Variants in CACNA2D1 observed in about 807,000 individuals in gnomAD.
The protein encoded by CACNA2D1 is voltage-dependent calcium channel subunit alpha-2/delta-1.
CACNA2D1 carries 53 observed loss-of-function variants against 171.5 expected under a neutral mutation model. That is an observed-to-expected ratio of 0.31 (90% confidence interval 0.25 to 0.39). The LOEUF (loss-of-function observed/expected upper bound fraction) is 0.39. CACNA2D1 is among the 10% of genes least tolerant of loss of function. CACNA2D1 has a pLI of 1.00. For missense variants in CACNA2D1, 903 were observed against 1,299.8 expected (o/e 0.69, Z 4.69); for synonymous variants, 442 against 443.1 (o/e 1.00, Z 0.03).
At chr7:81,967,458 A>G (rs1794829853) in intron 30 of CACNA2D1, 138 bp downstream of exon 30, 2 of 649,976 alleles carry the variant, frequency 3.1e-6, no homozygotes, top group East Asian at 2.7e-5. Context: ...AAAGCTTTGA[A>G]AAAATAGGAA....
chr7:82,227,690 A>T (rs1430760911), intron 3 of CACNA2D1, among the ~76,000 whole-genome samples: 1 of 152,186 alleles, frequency 6.6e-6, no homozygotes, highest in African/African-American at 2.4e-5. Context: ...TTCCAGGTTC[A>T]TAAACCATTG....
At chr7:82,240,564 A>G (rs1466287526) in intron 3 of CACNA2D1, among the ~76,000 whole-genome samples, 1 of 152,218 alleles carries the variant, frequency 6.6e-6, no homozygotes, top group East Asian at 1.9e-4. Context: ...AATACATCAA[A>G]GAATTCTCAC....
At position 81,959,307 on chromosome 7, in the gene CACNA2D1, C is replaced by T; in HGVS notation, c.3127G>A (p.Gly1043Arg). The T allele has an allele frequency of 6.2e-7, 1 of 1,611,334 alleles. No individual in the cohort carries two copies. The highest frequency in any genetic ancestry group is 8.5e-7 in the Non-Finnish European group (1 of 1,177,780). ...TTGTTATCAAAGCAGACATCAGGCC[C>T]TTTTCGGTATCTGGGTTGCTTAACC... ...DMVKQPRYRK[G>R]PDVCFDNNVL... The change falls in exon 38 of 39, where the codon GGG (glycine) becomes AGG (arginine). Residue 1043 changes from glycine (G) to arginine (R), a missense_variant. Physicochemically the swap from Gly to Arg is moderately radical, Grantham distance 125. Transcript: ENST00000356860.
chr7:82,303,370 C>T (rs1334370852), intron 3 of CACNA2D1, among the ~76,000 whole-genome samples: 1 of 150,200 alleles, frequency 6.7e-6, no homozygotes, highest in African/African-American at 2.5e-5. Context: ...AAAGCAAGTA[C>T]AGATCCATTG....
At chr7:82,217,399 A>ATATATATATATG (rs1294849694) in intron 3 of CACNA2D1, among the ~76,000 whole-genome samples, 8 of 21,580 alleles carry the variant, frequency 3.7e-4, no homozygotes, top group African/African-American at 6.5e-4. Context: ...ACATACATAT[A>ATATATATATATG]TATATATATA....
intron 3 of CACNA2D1, among the ~76,000 whole-genome samples, chr7:82,278,770 A>C (rs1364639843): frequency 6.6e-6 from 1 of 152,066 alleles, no homozygotes; most frequent in Non-Finnish European, 1.5e-5. Context: ...TTTTAGTTCT[A>C]TTAGTTTTAT....
At chr7:82,176,768 T>A (rs1461554849) in intron 3 of CACNA2D1, among the ~76,000 whole-genome samples, 1 of 151,840 alleles carries the variant, frequency 6.6e-6, no homozygotes, top group African/African-American at 2.4e-5. Context: ...TATATGCAAG[T>A]TCACAGAATA....
intron 6 of CACNA2D1, among the ~76,000 whole-genome samples, chr7:82,115,860 C>G (rs973661450): frequency 1.2e-4 from 19 of 152,146 alleles, no homozygotes; most frequent in African/African-American, 4.6e-4. Flanking sequence ...GAGCCTGGCA[C>G]TATTATGAGA....
intron 3 of CACNA2D1, among the ~76,000 whole-genome samples, chr7:82,192,797 C>G (rs1266632364): frequency 7.0e-6 from 1 of 142,466 alleles, no homozygotes; most frequent in Admixed American, 7.4e-5. Context: ...GTAACTCTAA[C>G]TAAACACACA....
At chr7:81,951,972 T>TTTG (rs1369718853) in intron 38 of CACNA2D1, among the ~76,000 whole-genome samples, 3 of 145,948 alleles carry the variant, frequency 2.1e-5, no homozygotes, top group African/African-American at 7.6e-5. Context: ...ACAAAGTGTT[T>TTTG]TTTTTTTTTT....
At chr7:82,044,185 C>T (rs552398207) in intron 10 of CACNA2D1, among the ~76,000 whole-genome samples, 13 of 152,278 alleles carry the variant, frequency 8.5e-5, no homozygotes, top group African/African-American at 2.2e-4. Flanking sequence ...GTATCCAGCT[C>T]TCAACATGTC....
At chr7:82,084,741 G>T in intron 7 of CACNA2D1, 28 bp downstream of exon 7, 1 of 1,613,354 alleles carries the variant, frequency 6.2e-7, no homozygotes, top group South Asian at 1.1e-5. Context: ...GCTGGAACTT[G>T]ACAATGATTG....
At chr7:82,387,203 T>TA (rs908638550) in intron 1 of CACNA2D1, among the ~76,000 whole-genome samples, 2 of 152,124 alleles carry the variant, frequency 1.3e-5, no homozygotes, top group African/African-American at 4.8e-5. Context: ...CCAAGCATTT[T>TA]AAAAAAATAA....
intron 4 of CACNA2D1, among the ~76,000 whole-genome samples, chr7:82,147,805 A>C (rs932672689): frequency 2.0e-5 from 3 of 152,210 alleles, no homozygotes; most frequent in Non-Finnish European, 4.4e-5. Flanking sequence ...TCTGTTCAAA[A>C]TTGGAGCCTC....
chr7:82,127,606 T>C (rs981016572), intron 5 of CACNA2D1, among the ~76,000 whole-genome samples: 2 of 152,116 alleles, frequency 1.3e-5, no homozygotes, highest in Non-Finnish European at 2.9e-5. Flanking sequence ...AAGCCAAAAA[T>C]GCATTACAAG....
chr7:82,088,006 C>T (rs1810679694), intron 6 of CACNA2D1, among the ~76,000 whole-genome samples: 1 of 152,142 alleles, frequency 6.6e-6, no homozygotes, highest in South Asian at 2.1e-4. Context: ...CTATCTCTCC[C>T]CAGGATGCCC....
At chr7:82,439,013 C>T (rs867216821) in intron 1 of CACNA2D1, among the ~76,000 whole-genome samples, 2 of 152,032 alleles carry the variant, frequency 1.3e-5, no homozygotes, top group Non-Finnish European at 2.9e-5. Context: ...CATGATTTGC[C>T]TAAGATATGT....
At chr7:82,354,263 C>G (rs1206316682) in intron 1 of CACNA2D1, among the ~76,000 whole-genome samples, 1 of 152,132 alleles carries the variant, frequency 6.6e-6, no homozygotes, top group Non-Finnish European at 1.5e-5. Flanking sequence ...CTCTTGTTAT[C>G]TATCTTTTAT....
At chr7:82,152,250 T>C (rs1793935345) in intron 4 of CACNA2D1, among the ~76,000 whole-genome samples, 1 of 150,940 alleles carries the variant, frequency 6.6e-6, no homozygotes, top group African/African-American at 2.4e-5. Context: ...CTAGAAATTG[T>C]TTAGAGACTG....
Sources: allele counts gnomAD v4.1 joint callset (sites outside exome capture counted in the v4.1 genomes callset), GRCh38; gene constraint gnomAD v4.1.1; transcripts MANE v1.5; gene names NCBI Gene and HGNC (gene_info 2026-07-23, HGNC 2026-07-21).